ARHGEF16: variants seen among roughly 807,000 people sequenced by gnomAD.
ARHGEF16 encodes the protein Rho guanine exchange factor (GEF) 16.
A neutral mutation model predicts 74.1 loss-of-function variants in ARHGEF16; 59 were observed. That is an observed-to-expected ratio of 0.80 (90% CI 0.65 to 0.99). The LOEUF (loss-of-function observed/expected upper bound fraction) is 0.99. Ranked by LOEUF, ARHGEF16 falls within the 50% of genes least tolerant of loss-of-function variation. The pLI is 0.00. For missense variants in ARHGEF16, 948 were observed against 986.6 expected (o/e 0.96, Z 0.52); for synonymous variants, 415 against 412.6 (o/e 1.01, Z -0.07).
intron 11 of ARHGEF16, 65 bp from the exon 12 acceptor site, chr1:3,478,359 G>GGA: frequency 1.3e-6 from 2 of 1,503,948 alleles, no homozygotes; most frequent in Non-Finnish European, 1.8e-6. Flanking sequence ...GACCTGGACG[G>GGA]GAGCCCAGCA....
rs1201756366 is a variant in ARHGEF16 at position 3,479,839 on chromosome 1, C to T, written c.1916C>T (p.Ala639Val). ...CTGCCCCAGGTGGAGATCACCAAGG[C>T]CTTCTTCGCGAAGCAAGCAGACGAG... ...GDLPQVEITK[A>V]FFAKQADEVT... is the part of the protein sequence containing the mutation. Residue 639 changes from alanine (A) to valine (V), a missense_variant, in exon 14 of 15, where the codon GCC becomes GTC. Coordinates refer to ENST00000378378, the MANE Select transcript of ARHGEF16 (RefSeq NM_014448.4). The T allele has an allele frequency of 6.2e-7, 1 of 1,612,228 alleles. No individual in the cohort carries two copies. The highest frequency in any genetic ancestry group is 1.7e-5 in the Admixed American group (1 of 60,020).
At chr1:3,467,146 G>T (rs1639568741) in intron 3 of ARHGEF16, 22 bp from the exon 4 acceptor site, 1 of 1,545,118 alleles carries the variant, frequency 6.5e-7, no homozygotes, top group Non-Finnish European at 8.7e-7. Context: ...AGGGCCACAG[G>T]TTACCCTCCT....
At position 3,479,597 on chromosome 1, in the gene ARHGEF16, G is replaced by A; in HGVS notation, c.1888+7G>A. 1 of 1,610,206 alleles carries A rather than the reference G, an allele frequency of 6.2e-7. No homozygotes were observed. The stretch of plus-strand genomic sequence containing the variant: ...GGCCTCTCCAGCAAAGGAGGTGAGT[G>A]CGGGCTGGGGCCTGCAGGGCTGGCC... On this transcript the variant is annotated splice_region_variant and intron_variant, in intron 13 of 14. Coordinates refer to ENST00000378378, the MANE Select transcript of ARHGEF16 (RefSeq NM_014448.4).
intron 2 of ARHGEF16, among the ~76,000 whole-genome samples, chr1:3,464,013 G>A (rs987338456): frequency 3.9e-5 from 6 of 152,244 alleles, no homozygotes; most frequent in African/African-American, 1.4e-4. Flanking sequence ...GGATGATAGG[G>A]TTCAGGGTGA....
At chr1:3,473,292 A>G in intron 7 of ARHGEF16, 62 bp downstream of exon 7, 1 of 1,593,022 alleles carries the variant, frequency 6.3e-7, no homozygotes, top group Non-Finnish European at 8.6e-7. Context: ...CTGGTCTCCC[A>G]AAGCACATTC....
chr1:3,476,138 A>T, intron 10 of ARHGEF16, 76 bp downstream of exon 10: 1 of 1,452,718 alleles, frequency 6.9e-7, no homozygotes, highest in Non-Finnish European at 9.3e-7. Context: ...GTGTGAGGTC[A>T]CACCCCTGAG....
chr1:3,480,155 G>A (rs1198835692), intron 14 of ARHGEF16, among the ~76,000 whole-genome samples: 5 of 152,196 alleles, frequency 3.3e-5, no homozygotes, highest in Admixed American at 2.0e-4. Context: ...GGGGATCCCC[G>A]CTCAGCCAGG....
At chr1:3,467,656 A>G (rs1404318280) in intron 4 of ARHGEF16, among the ~76,000 whole-genome samples, 1 of 152,150 alleles carries the variant, frequency 6.6e-6, no homozygotes, top group African/African-American at 2.4e-5. Flanking sequence ...AGAGGGCTGA[A>G]TGATCTGCGT....
Position 3,463,185 on chromosome 1 carries a change from G to A in ARHGEF16, c.101G>A (p.Gly34Glu), listed in dbSNP as rs1348435549. The change falls in exon 2 of 15, where the codon GGG (glycine) becomes GAG (glutamate). Residue 34 changes from glycine (G) to glutamate (E), a missense_variant. Physicochemically the swap from Gly to Glu is moderately conservative, Grantham distance 98. Coordinates refer to ENST00000378378, the MANE Select transcript of ARHGEF16 (RefSeq NM_014448.4). ...RLDAGGNPASGLPMVRGSPRV... is the reference protein window; with the variant it reads ...RLDAGGNPASELPMVRGSPRV... ...GATGCCGGGGGGAACCCAGCCTCCG[G>A]GCTCCCAATGGTCCGTGGCTCCCCG... The A allele has an allele frequency of 6.5e-7, 1 of 1,529,470 alleles. No homozygotes were observed. The allele number at this position is 1,529,470 out of a possible 1,614,324, so 94.7% of individuals were successfully genotyped here. A position where few individuals can be genotyped will look rare whatever the true frequency, so the allele number is the denominator to read the frequency against.
Position 3,479,565 on chromosome 1 carries a change from G to C in ARHGEF16, c.1863G>C (p.Gln621His), listed in dbSNP as rs757190094. ...TGGCGCTCACACACAGTGAGAGACA[G>C]TGGCAGGGCCTCTCCAGCAAAGGAG... The part of the protein sequence containing the change: ...WIVALTHSER[Q>H]WQGLSSKGDL... The change falls in exon 13 of 15, where the codon CAG becomes CAC. Residue 621 changes from glutamine (Q) to histidine (H), a missense_variant. Transcript: ENST00000378378. 4 of 1,612,492 alleles carry C rather than the reference G, an allele frequency of 2.5e-6. No homozygotes were observed. In the East Asian group the frequency reaches 6.7e-5, roughly 27 times the overall value.
At chr1:3,475,860 G>A in intron 9 of ARHGEF16, 110 bp from the exon 10 acceptor site, 2 of 1,091,656 alleles carry the variant, frequency 1.8e-6, no homozygotes, top group Non-Finnish European at 2.6e-6. Flanking sequence ...GGCAGGCACT[G>A]TGGGCAGCCA....
At position 3,478,029 on chromosome 1, in the gene ARHGEF16, G is replaced by A. The variant is rs1179460098; in HGVS notation, c.1625+3G>A. The A allele has an allele frequency of 3.1e-6, 5 of 1,612,572 alleles. No individual in the cohort carries two copies. The highest frequency in any genetic ancestry group is 4.2e-6 in the Non-Finnish European group (5 of 1,179,890). On this transcript the variant is annotated splice_donor_region_variant and intron_variant, in intron 11 of 14. Coordinates refer to ENST00000378378, the MANE Select transcript of ARHGEF16 (RefSeq NM_014448.4). The stretch of plus-strand genomic sequence containing the variant: ...CTGGTTGTGACCAAGAAGAAGAGGT[G>A]GCCTTAGGGCAGGAGGGTGTGGGGA...
At chr1:3,476,090 T>G in intron 10 of ARHGEF16, 28 bp downstream of exon 10, 1 of 1,544,296 alleles carries the variant, frequency 6.5e-7, no homozygotes, top group African/African-American at 1.4e-5. Flanking sequence ...TCAGGGCCAC[T>G]CGGACCACTT....
chr1:3,459,245 C>T (rs1639337171), intron 1 of ARHGEF16, among the ~76,000 whole-genome samples: 1 of 152,160 alleles, frequency 6.6e-6, no homozygotes, highest in Non-Finnish European at 1.5e-5. Flanking sequence ...CTCCCAGGCT[C>T]CAGCAGGTGC....
At chr1:3,456,617 C>T (rs1639272303) in intron 1 of ARHGEF16, among the ~76,000 whole-genome samples, 1 of 152,242 alleles carries the variant, frequency 6.6e-6, no homozygotes, top group African/African-American at 2.4e-5. Context: ...AAAATACCCA[C>T]CTTCCAGAAG....
intron 1 of ARHGEF16, among the ~76,000 whole-genome samples, chr1:3,459,581 G>T (rs567507815): frequency 1.3e-5 from 2 of 152,316 alleles, no homozygotes; most frequent in South Asian, 2.1e-4. Context: ...TCCGCCCAGG[G>T]TGAGGCCCAG....
rs949457659 is a variant in ARHGEF16, at chr1:3,472,051, CG to C, written c.1023-1024del. On this transcript the variant is annotated intron_variant, in intron 6 of 14. Coordinates refer to ENST00000378378, the MANE Select transcript of ARHGEF16 (RefSeq NM_014448.4). ...CTCCTGCGTGGGTGGCAGGCCCAGT[CG>C]GGCCCCGTGAGCAGAGGAGGAGGGA... Among the ~76,000 whole-genome samples, 19 of 152,332 alleles carry C rather than the reference CG, an allele frequency of 1.2e-4. No homozygotes were observed. The East Asian group carries it at 2.5e-3, about 20-fold the overall frequency.
intron 10 of ARHGEF16, among the ~76,000 whole-genome samples, chr1:3,476,833 C>T (rs529100674): frequency 4.8e-4 from 73 of 152,138 alleles, no homozygotes; most frequent in African/African-American, 1.8e-3. Context: ...GGGGAGGGGG[C>T]TCCCGGGGTG....
chr1:3,469,741 G>A, intron 6 of ARHGEF16, 148 bp downstream of exon 6: 3 of 1,168,742 alleles, frequency 2.6e-6, no homozygotes, highest in South Asian at 3.1e-5. Context: ...CTCCCGCGGA[G>A]TGTGATGACC....
Sources: gnomAD v4.1 joint callset for allele counts (sites outside exome capture counted in the v4.1 genomes callset) on GRCh38, gnomAD v4.1.1 for gene constraint, MANE v1.5 for transcripts, NCBI Gene and HGNC (gene_info 2026-07-23, HGNC 2026-07-21) for gene names.